STXBP5: variants seen among roughly 807,000 people sequenced by gnomAD.
STXBP5 encodes the protein syntaxin-binding protein 5.
Under a neutral mutation model 152.4 loss-of-function variants are expected in STXBP5, and 50 were observed. The ratio of observed to expected loss-of-function variants is 0.33; its 90% confidence interval spans 0.26 to 0.42. The LOEUF (loss-of-function observed/expected upper bound fraction) is 0.42, where lower values mean the gene tolerates loss of function less well. Ranked by LOEUF, STXBP5 falls within the 10% of genes least tolerant of loss-of-function variation. The pLI, the probability that STXBP5 is intolerant of heterozygous loss-of-function variation, is 1.00. For missense variants in STXBP5, 1,167 were observed against 1,388.6 expected, an observed-to-expected ratio of 0.84 and a Z score of 2.54; for synonymous variants, 492 against 494.7, an observed-to-expected ratio of 0.99 and a Z score of 0.07.
At chr6:147,357,121 C>A (rs1279933016) in intron 22 of STXBP5, among the ~76,000 whole-genome samples, 3 of 152,106 alleles carry the variant, frequency 2.0e-5, no homozygotes, top group Non-Finnish European at 4.4e-5. Context: ...TCAGAAATAA[C>A]TACAGAACAA....
intron 8 of STXBP5, among the ~76,000 whole-genome samples, chr6:147,282,702 C>G (rs1212392349): frequency 6.6e-6 from 1 of 152,084 alleles, no homozygotes; most frequent in African/African-American, 2.4e-5. Flanking sequence ...GGAATAACTT[C>G]GACAGTATTG....
intron 4 of STXBP5, among the ~76,000 whole-genome samples, chr6:147,249,252 G>GT (rs1272282882): frequency 6.7e-6 from 1 of 149,822 alleles, no homozygotes; most frequent in African/African-American, 2.5e-5. Flanking sequence ...TACAAAATCA[G>GT]TAAAAAAAAA....
intron 8 of STXBP5, among the ~76,000 whole-genome samples, chr6:147,289,081 C>G (rs1180398692): frequency 6.6e-6 from 1 of 152,202 alleles, no homozygotes; most frequent in Non-Finnish European, 1.5e-5. Flanking sequence ...AGTTGCGTCT[C>G]CCTGGCGCTT....
rs1782510581 is a variant in STXBP5, at chr6:147,313,983, A to G, written c.1245A>G (p.Ala415=). Residue 415 remains alanine, a synonymous_variant, in exon 12 of 28, where the codon GCA becomes GCG. Coordinates refer to ENST00000321680, the MANE Select transcript of STXBP5 (RefSeq NM_001127715.4). ...ATTGTCCTGTGGACCTTATTCCTGC[A>G]CTTTATTCTGTTGGAGCTAGACAGA... is the stretch of plus-strand genomic sequence containing the variant. The part of the protein sequence containing the change: ...FADCPVDLIP[A]LYSVGARQKR... The G allele has an allele frequency of 1.2e-6, 2 of 1,602,310 alleles. No individual in the cohort carries two copies. Among genetic ancestry groups the G allele is most frequent in the East Asian group, 2.2e-5 (1 of 44,728 alleles).
chr6:147,228,870 G>A (rs1582813069), intron 2 of STXBP5, among the ~76,000 whole-genome samples: 1 of 152,024 alleles, frequency 6.6e-6, no homozygotes, highest in Admixed American at 6.6e-5. Flanking sequence ...AAATACAAAT[G>A]ATTTTAATTT....
rs533966654 is a variant in STXBP5 at position 147,265,824 on chromosome 6, T to C, written c.631-1260T>C. Among the ~76,000 whole-genome samples the C allele has an allele frequency of 3.3e-5, 5 of 152,162 alleles. No individual in the cohort carries two copies. The South Asian group carries it at 1.0e-3, about 32-fold the overall frequency. On this transcript the variant is annotated intron_variant, in intron 6 of 27. Transcript: ENST00000321680. ...TGGTAAACAAGATAAAAACTAATCC[T>C]TGCCCCGATATCCCGGTTTTACAGA...
In STXBP5 at chr6:147,382,879, G is replaced by A. The variant is rs766003404; in HGVS notation, c.3295G>A (p.Gly1099Ser). The change falls in exon 27 of 28, where the codon GGT becomes AGT. Residue 1099 changes from glycine to serine, a missense_variant. Around this residue, in one of 3 missense-constraint regions of STXBP5, gnomAD observed 833 missense variants for 986.3 expected, o/e 0.84. Coordinates refer to ENST00000321680, the MANE Select transcript of STXBP5 (RefSeq NM_001127715.4). ...AAAAGGGGCAGCATCTGGAGTTGTTGGTGAATTAGCACGAGCCAGGCTGGC... is the reference window on the plus strand; with the variant it reads ...AAAAGGGGCAGCATCTGGAGTTGTTAGTGAATTAGCACGAGCCAGGCTGGC... ...GVKGAASGVVGELARARLALD... is the reference protein window; with the variant it reads ...GVKGAASGVVSELARARLALD... 1 of 1,613,508 alleles carries A rather than the reference G, an allele frequency of 6.2e-7. No homozygotes were observed. The highest frequency in any genetic ancestry group is 1.1e-5 in the South Asian group (1 of 91,070).
intron 2 of STXBP5, among the ~76,000 whole-genome samples, chr6:147,211,996 T>G (rs1268201619): frequency 6.6e-6 from 1 of 152,234 alleles, no homozygotes; most frequent in Non-Finnish European, 1.5e-5. Flanking sequence ...CTTGAAATAC[T>G]CAGCTCATAT....
chr6:147,273,758 T>A (rs531401555), intron 7 of STXBP5, among the ~76,000 whole-genome samples: 20 of 152,228 alleles, frequency 1.3e-4, no homozygotes, highest in Middle Eastern at 3.4e-3. Context: ...GAGACCATCC[T>A]GGGTAACAGG....
chr6:147,344,632 C>G lies in STXBP5; in HGVS notation c.2254+5248C>G, dbSNP rs1784238916. On this transcript the variant is annotated intron_variant, in intron 21 of 27. Transcript: ENST00000321680. ...GAGTACAACCCTGGTATCTGTGTAT[C>G]CACATTTCTTCTTCTTATAAGAACC... Among the ~76,000 whole-genome samples the G allele has an allele frequency of 2.0e-5, 3 of 152,268 alleles. No individual in the cohort carries two copies. The South Asian group carries it at 6.2e-4, about 32-fold the overall frequency.
chr6:147,301,526 C>T (rs1781814378), intron 9 of STXBP5, among the ~76,000 whole-genome samples: 1 of 152,108 alleles, frequency 6.6e-6, no homozygotes, highest in African/African-American at 2.4e-5. Flanking sequence ...GTATGTCAGT[C>T]AAAAAGTTTT....
At chr6:147,321,653 T>C (rs930407044) in intron 16 of STXBP5, among the ~76,000 whole-genome samples, 1 of 152,214 alleles carries the variant, frequency 6.6e-6, no homozygotes, top group African/African-American at 2.4e-5. Flanking sequence ...TGAATTATTT[T>C]TATTGTCCCT....
chr6:147,209,456 C>G (rs1776740842), intron 2 of STXBP5, among the ~76,000 whole-genome samples: 2 of 151,846 alleles, frequency 1.3e-5, no homozygotes, highest in South Asian at 2.1e-4. Context: ...GGCCTGAATT[C>G]TGGTTCTTCG....
intron 6 of STXBP5, 46 bp downstream of exon 6, chr6:147,262,399 G>A (rs749724563): frequency 1.7e-6 from 2 of 1,196,040 alleles, no homozygotes; most frequent in Admixed American, 2.7e-5. Flanking sequence ...ACAAATTTTA[G>A]TATTTTTCAA....
chr6:147,244,870 C>T (rs1262257340), intron 4 of STXBP5, among the ~76,000 whole-genome samples: 1 of 151,962 alleles, frequency 6.6e-6, no homozygotes, highest in East Asian at 1.9e-4. Context: ...GAAATGAGTC[C>T]TATTTCTCTG....
At chr6:147,332,703 C>CT (rs1371219245) in intron 18 of STXBP5, among the ~76,000 whole-genome samples, 1 of 152,154 alleles carries the variant, frequency 6.6e-6, no homozygotes, top group Non-Finnish European at 1.5e-5. Flanking sequence ...TAGGGTTGGA[C>CT]TTTGACTTTT....
chr6:147,312,513 G>A (rs912381511), intron 11 of STXBP5, among the ~76,000 whole-genome samples: 3 of 152,060 alleles, frequency 2.0e-5, no homozygotes, highest in African/African-American at 7.2e-5. Flanking sequence ...GGCGATCTCT[G>A]TGGAAACCTT....
chr6:147,381,051 T>C (rs1030700915), intron 26 of STXBP5, among the ~76,000 whole-genome samples: 2 of 152,052 alleles, frequency 1.3e-5, no homozygotes, highest in African/African-American at 4.8e-5. Flanking sequence ...GAACTGCCCT[T>C]TATAAAAGCA....
chr6:147,248,899 A>G (rs923668664), intron 4 of STXBP5, among the ~76,000 whole-genome samples: 8 of 152,166 alleles, frequency 5.3e-5, no homozygotes, highest in African/African-American at 1.9e-4. Context: ...AGAGTGTGAG[A>G]AGGATCCAGT....
Sources: allele counts gnomAD v4.1 joint callset (sites outside exome capture counted in the v4.1 genomes callset), GRCh38; gene constraint gnomAD v4.1.1; regional missense constraint gnomAD v4.1.1; transcripts MANE v1.5; gene names NCBI Gene and HGNC (gene_info 2026-07-23, HGNC 2026-07-21).